MGAT4C: variants seen among roughly 807,000 people sequenced by gnomAD.
MGAT4C encodes alpha-1,3-mannosyl-glycoprotein 4-beta-N-acetylglucosaminyltransferase C.
Under a neutral mutation model 40.1 loss-of-function variants are expected in MGAT4C, and 19 were observed. That is an observed-to-expected ratio of 0.47 (90% CI 0.33 to 0.70). The LOEUF (loss-of-function observed/expected upper bound fraction) is 0.70. MGAT4C is among the 30% of genes least tolerant of loss of function. The pLI, the probability that MGAT4C is intolerant of heterozygous loss-of-function variation, is 0.02. For synonymous variants in MGAT4C, 181 were observed against 187.1 expected (o/e 0.97, Z 0.27); for missense variants, 491 against 563.2 (o/e 0.87, Z 1.30).
chr12:85,974,426 C>T lies in MGAT4C; in HGVS notation c.*4863G>A, dbSNP rs1297283292. On this transcript the variant is annotated 3_prime_UTR_variant, in exon 5 of 5. Transcript: ENST00000611864. The stretch of plus-strand genomic sequence containing the variant: ...TCTCATACACACAGACACACTTACA[C>T]AACACATATACAAATACATACATGT... 1 of 150,456 alleles carries T rather than the reference C, an allele frequency of 6.6e-6. No homozygotes were observed. The highest frequency in any genetic ancestry group is 1.5e-5 in the Non-Finnish European group (1 of 66,978). 9.3% of individuals were successfully genotyped at this position (150,456 alleles called of 1,614,324 possible).
At chr12:86,471,836 A>C in intron 2 of MGAT4C, among the ~76,000 whole-genome samples, 1 of 152,124 alleles carries the variant, frequency 6.6e-6, no homozygotes, top group Non-Finnish European at 1.5e-5. Flanking sequence ...GTATTACTTG[A>C]AAATGCTATG....
intron 2 of MGAT4C, among the ~76,000 whole-genome samples, chr12:86,576,977 T>C (rs1960587421): frequency 6.6e-6 from 1 of 151,912 alleles, no homozygotes; most frequent in African/African-American, 2.4e-5. Flanking sequence ...TTCTATTTTT[T>C]GGTGTCCTCT....
chr12:86,565,419 C>A (rs1406852714), intron 2 of MGAT4C, among the ~76,000 whole-genome samples: 1 of 152,196 alleles, frequency 6.6e-6, no homozygotes, highest in Non-Finnish European at 1.5e-5. Flanking sequence ...GCAAGGTATG[C>A]AGGCATTACC....
chr12:86,590,019 G>A (rs1317497503), intron 2 of MGAT4C, among the ~76,000 whole-genome samples: 1 of 151,824 alleles, frequency 6.6e-6, no homozygotes, highest in Non-Finnish European at 1.5e-5. Context: ...TAAGTCCAGG[G>A]AACACTTCGT....
intron 3 of MGAT4C, among the ~76,000 whole-genome samples, chr12:86,388,534 T>C (rs1320034758): frequency 6.6e-6 from 1 of 152,124 alleles, no homozygotes; most frequent in Non-Finnish European, 1.5e-5. Context: ...AATTTACACA[T>C]AGGCCAATTA....
At chr12:86,519,877 T>C (rs1958762411) in intron 2 of MGAT4C, among the ~76,000 whole-genome samples, 1 of 152,150 alleles carries the variant, frequency 6.6e-6, no homozygotes, top group Non-Finnish European at 1.5e-5. Flanking sequence ...CTTTTCTTCT[T>C]TGTGCATAAG....
intron 2 of MGAT4C, among the ~76,000 whole-genome samples, chr12:86,482,655 G>A (rs573754944): frequency 2.0e-5 from 3 of 151,936 alleles, no homozygotes; most frequent in Non-Finnish European, 2.9e-5. Flanking sequence ...AAGTGTTTTC[G>A]TATTTAAAAG....
intron 3 of MGAT4C, among the ~76,000 whole-genome samples, chr12:86,401,321 T>C (rs1468658221): frequency 1.3e-5 from 2 of 151,470 alleles, no homozygotes; most frequent in Non-Finnish European, 2.9e-5. Context: ...TATATATTTC[T>C]ATTATGGCTG....
intron 2 of MGAT4C, among the ~76,000 whole-genome samples, chr12:86,023,420 T>C (rs1300651067): frequency 6.6e-6 from 1 of 151,590 alleles, no homozygotes; most frequent in Non-Finnish European, 1.5e-5. Context: ...TTTTCTTACT[T>C]AATTTTGATT....
rs1883087705 is a variant in MGAT4C, at chr12:85,961,096, G to C, written c.*18193C>G. The C allele has an allele frequency of 6.6e-6, 1 of 151,810 alleles. No homozygotes were observed. The highest frequency in any genetic ancestry group is 2.1e-4 in the South Asian group (1 of 4,828). The allele number at this position is 151,810 out of a possible 1,614,324, so 9.4% of individuals were successfully genotyped here. ...CCACCAGGGCAAGAATTACAAATTG[G>C]GAGCAGGTAAGAAAATTGTTGTTGA... On this transcript the variant is annotated 3_prime_UTR_variant, in exon 5 of 5. Transcript: ENST00000611864.
Position 85,956,249 on chromosome 12 carries a change from A to G in MGAT4C, c.*23040T>C, listed in dbSNP as rs559829612. 1 of 152,318 alleles carries G rather than the reference A, an allele frequency of 6.6e-6. No homozygotes were observed. Among genetic ancestry groups the G allele is most frequent in the Non-Finnish European group, 1.5e-5 (1 of 68,000 alleles). The allele number at this position is 152,318 out of a possible 1,614,324, so 9.4% of individuals were successfully genotyped here. ...TCTTTTACTATGCAAACATGCAAGCATCAGATTTTTAATCAAACCAATTGG... is the reference window on the plus strand; with the variant it reads ...TCTTTTACTATGCAAACATGCAAGCGTCAGATTTTTAATCAAACCAATTGG... On this transcript the variant is annotated 3_prime_UTR_variant, in exon 5 of 5. Coordinates refer to ENST00000611864, the MANE Select transcript of MGAT4C (RefSeq NM_001351288.2).
chr12:85,986,561 C>G (rs1014489535), intron 3 of MGAT4C, among the ~76,000 whole-genome samples: 2 of 152,136 alleles, frequency 1.3e-5, no homozygotes, highest in African/African-American at 4.8e-5. Flanking sequence ...AATGGATTTT[C>G]TAACAAAAAG....
intron 2 of MGAT4C, among the ~76,000 whole-genome samples, chr12:86,672,329 A>G (rs1400572078): frequency 1.3e-5 from 2 of 152,110 alleles, no homozygotes; most frequent in Non-Finnish European, 2.9e-5. Context: ...GCAACAAAAA[A>G]GAAGGAAAAA....
chr12:86,189,594 T>C (rs953826437), intron 1 of MGAT4C, among the ~76,000 whole-genome samples: 2 of 152,028 alleles, frequency 1.3e-5, no homozygotes, highest in East Asian at 3.9e-4. Context: ...TATTAGCAAA[T>C]AAGGGAAACA....
At chr12:86,391,606 C>T (rs1395018256) in intron 3 of MGAT4C, among the ~76,000 whole-genome samples, 3 of 152,126 alleles carry the variant, frequency 2.0e-5, no homozygotes, top group Admixed American at 1.3e-4. Flanking sequence ...CGCCTGTAAT[C>T]CCACTACTTT....
intron 1 of MGAT4C, among the ~76,000 whole-genome samples, chr12:86,759,502 A>G (rs1301304425): frequency 6.6e-6 from 1 of 152,156 alleles, no homozygotes; most frequent in African/African-American, 2.4e-5. Context: ...GGTTACCACA[A>G]GAAGTACATA....
intron 2 of MGAT4C, among the ~76,000 whole-genome samples, chr12:86,701,324 G>A (rs1950360349): frequency 6.6e-6 from 1 of 151,538 alleles, no homozygotes; most frequent in Admixed American, 6.6e-5. Flanking sequence ...CTCACTTTAT[G>A]TCTCTGTCAC....
chr12:86,106,314 G>A (rs1411956045), intron 1 of MGAT4C, among the ~76,000 whole-genome samples: 1 of 151,956 alleles, frequency 6.6e-6, no homozygotes, highest in African/African-American at 2.4e-5. Flanking sequence ...TTAGTTTAGT[G>A]TTGTTTCTGA....
intron 2 of MGAT4C, among the ~76,000 whole-genome samples, chr12:86,466,458 A>G (rs1957684374): frequency 6.6e-6 from 1 of 152,204 alleles, no homozygotes; most frequent in Non-Finnish European, 1.5e-5. Flanking sequence ...TAGTTACTGT[A>G]TGAGTCCTAC....
Sources: gnomAD v4.1 joint callset for allele counts (sites outside exome capture counted in the v4.1 genomes callset) on GRCh38, gnomAD v4.1.1 for gene constraint, MANE v1.5 for transcripts, NCBI Gene and HGNC (gene_info 2026-07-23, HGNC 2026-07-21) for gene names.